Variants in LPP observed in about 807,000 individuals in gnomAD.
The protein encoded by LPP is LIM domain containing preferred translocation partner in lipoma, also known as lipoma-preferred partner.
Under a neutral mutation model 60.4 loss-of-function variants are expected in LPP, and 38 were observed. That is an observed-to-expected ratio of 0.63 (90% confidence interval 0.49 to 0.83). LPP has a LOEUF of 0.83. LPP is among the 40% of genes least tolerant of loss of function. The pLI is 0.00. For missense variants in LPP, 902 were observed against 783.6 expected (o/e 1.15, Z -1.80); for synonymous variants, 328 against 290.8 (o/e 1.13, Z -1.30).
rs868412621 is a variant in LPP at position 188,522,817 on chromosome 3, G to A, written c.307-1848G>A. Reference sequence around the variant, plus strand: ...TATATATATATATATATATATATATGTGTATGTGTGTGTGTATGTGTGTGT... The same window carrying A: ...TATATATATATATATATATATATATATGTATGTGTGTGTGTATGTGTGTGT... On this transcript the variant is annotated intron_variant, in intron 5 of 11. Coordinates refer to ENST00000617246, the MANE Select transcript of LPP (RefSeq NM_001375462.1). 1.2e-3 allele frequency among the ~76,000 whole-genome samples: 127 copies of A among 105,204 alleles called. 1 individual carries two copies. The Middle Eastern group carries it at 0.014, about 12-fold the overall frequency. The allele number at this position is 105,204 out of a possible 152,430, so 69.0% of individuals were successfully genotyped here. A position where few individuals can be genotyped will look rare whatever the true frequency, so the allele number is the denominator to read the frequency against.
intron 1 of LPP, among the ~76,000 whole-genome samples, chr3:188,167,284 G>C (rs965714191): frequency 6.6e-6 from 1 of 152,204 alleles, no homozygotes; most frequent in Non-Finnish European, 1.5e-5. Context: ...GGTCACCTGA[G>C]GTCAGGAGCT....
At chr3:188,581,126 T>C (rs1026938507) in intron 6 of LPP, among the ~76,000 whole-genome samples, 1 of 152,008 alleles carries the variant, frequency 6.6e-6, no homozygotes, top group Admixed American at 6.6e-5. Flanking sequence ...AAATGGACCA[T>C]CACAGGAGGG....
chr3:188,293,497 T>G (rs1746745040), intron 2 of LPP, among the ~76,000 whole-genome samples: 1 of 152,214 alleles, frequency 6.6e-6, no homozygotes, highest in Admixed American at 6.5e-5. Context: ...AATGCAAAGC[T>G]CACTTTTTAA....
chr3:188,316,338 G>A (rs9813710), intron 2 of LPP, among the ~76,000 whole-genome samples: 21,173 of 152,112 alleles, frequency 0.14, 1,760 homozygotes, highest in East Asian at 0.34. Flanking sequence ...TACTTGGGAG[G>A]TTGAGGCAGG....
chr3:188,485,810 A>AAAAAAAAAAAAG (rs1165979019), intron 5 of LPP, among the ~76,000 whole-genome samples: 3 of 146,598 alleles, frequency 2.0e-5, no homozygotes, highest in Non-Finnish European at 4.5e-5. Flanking sequence ...AAAAAAAAAA[A>AAAAAAAAAAAAG]AAAATGGAAT....
At chr3:188,337,822 G>C (rs990262549) in intron 2 of LPP, among the ~76,000 whole-genome samples, 2 of 152,158 alleles carry the variant, frequency 1.3e-5, no homozygotes, top group African/African-American at 4.8e-5. Context: ...TTAAAGTTTA[G>C]TTGTTGATTG....
chr3:188,407,784 G>GTTTTTTTTTTTTTTTTTTT (rs1397646143), intron 4 of LPP, among the ~76,000 whole-genome samples: 5 of 114,818 alleles, frequency 4.4e-5, no homozygotes, highest in South Asian at 2.7e-4. Flanking sequence ...TTTTTTGTTT[G>GTTTTTTTTTTTTTTTTTTT]TTTGTTTTTT....
chr3:188,240,496 G>A (rs139988907), intron 2 of LPP, among the ~76,000 whole-genome samples: 8 of 152,148 alleles, frequency 5.3e-5, no homozygotes, highest in African/African-American at 1.4e-4. Flanking sequence ...AGTCTTATAC[G>A]TACTGAATTT....
intron 3 of LPP, among the ~76,000 whole-genome samples, chr3:188,365,208 C>T (rs989891585): frequency 6.6e-6 from 1 of 151,188 alleles, no homozygotes; most frequent in Non-Finnish European, 1.5e-5. Flanking sequence ...CCACTCTTGT[C>T]CTCTGCCATT....
At chr3:188,323,899 T>C (rs952364773) in intron 2 of LPP, among the ~76,000 whole-genome samples, 11 of 152,376 alleles carry the variant, frequency 7.2e-5, no homozygotes, top group African/African-American at 2.2e-4. Context: ...GGAATGATTC[T>C]GGGTGAGCTA....
intron 3 of LPP, among the ~76,000 whole-genome samples, chr3:188,356,816 AT>A (rs896314288): frequency 1.3e-5 from 2 of 152,214 alleles, no homozygotes; most frequent in Non-Finnish European, 2.9e-5. Flanking sequence ...AACTTACCAG[AT>A]TTTCGGGTTG....
chr3:188,178,380 T>C (rs1723731356), intron 1 of LPP, among the ~76,000 whole-genome samples: 4 of 152,198 alleles, frequency 2.6e-5, no homozygotes, highest in Non-Finnish European at 5.9e-5. Flanking sequence ...ATTTATCTGT[T>C]TTTTTTCTGT....
chr3:188,744,656 G>T (rs1725542053), intron 8 of LPP, among the ~76,000 whole-genome samples: 1 of 151,988 alleles, frequency 6.6e-6, no homozygotes, highest in South Asian at 2.1e-4. Context: ...TACTCCCATT[G>T]CTCCCCTTGC....
chr3:188,293,927 G>A (rs1031189445), intron 2 of LPP, among the ~76,000 whole-genome samples: 24 of 151,868 alleles, frequency 1.6e-4, no homozygotes, highest in Non-Finnish European at 2.7e-4. Flanking sequence ...TCAGTTGGGC[G>A]TAGTAGTGTG....
intron 2 of LPP, among the ~76,000 whole-genome samples, chr3:188,314,796 C>T (rs535359727): frequency 2.8e-4 from 42 of 152,144 alleles, no homozygotes; most frequent in Non-Finnish European, 5.1e-4. Context: ...TCCAGCCTGG[C>T]GACAGAGAGA....
At chr3:188,866,860 G>T (rs778078597) in intron 10 of LPP, among the ~76,000 whole-genome samples, 19 of 152,072 alleles carry the variant, frequency 1.2e-4, no homozygotes, top group African/African-American at 4.6e-4. Context: ...AGTTATGGTG[G>T]ACAGACACAG....
intron 7 of LPP, among the ~76,000 whole-genome samples, chr3:188,681,733 A>T (rs1335043923): frequency 3.3e-5 from 5 of 152,234 alleles, no homozygotes; most frequent in Non-Finnish European, 7.3e-5. Flanking sequence ...CTTGTGTAAT[A>T]ATGTTAAATA....
At chr3:188,522,853 A>ATG (rs1175432113) in intron 5 of LPP, among the ~76,000 whole-genome samples, 1 of 135,086 alleles carries the variant, frequency 7.4e-6, no homozygotes, top group African/African-American at 2.8e-5. Context: ...ACGTGTGTGT[A>ATG]TGTGTGTATA....
At chr3:188,700,909 A>G (rs1204873294) in intron 7 of LPP, among the ~76,000 whole-genome samples, 1 of 152,218 alleles carries the variant, frequency 6.6e-6, no homozygotes, top group Non-Finnish European at 1.5e-5. Context: ...GCACAAAAAA[A>G]TGATAGAGTA....
Sources: allele counts gnomAD v4.1 joint callset (sites outside exome capture counted in the v4.1 genomes callset), GRCh38; gene constraint gnomAD v4.1.1; transcripts MANE v1.5; gene names NCBI Gene and HGNC (gene_info 2026-07-23, HGNC 2026-07-21).